Variants in TMEM132D observed in about 807,000 individuals in gnomAD.
The protein encoded by TMEM132D is mature OL transmembrane protein.
A neutral mutation model predicts 62.3 loss-of-function variants in TMEM132D; 21 were observed. The ratio of observed to expected loss-of-function variants is 0.34; its 90% confidence interval spans 0.24 to 0.49. TMEM132D has a LOEUF of 0.49. Ranked by LOEUF, TMEM132D falls within the 20% of genes least tolerant of loss-of-function variation. The pLI is 0.99. For missense variants in TMEM132D, 1,346 were observed against 1,402.8 expected, an observed-to-expected ratio of 0.96 and a Z score of 0.65; for synonymous variants, 621 against 575.6, an observed-to-expected ratio of 1.08 and a Z score of -1.13.
intron 5 of TMEM132D, among the ~76,000 whole-genome samples, chr12:129,116,918 C>CAAAAAAAAAAA (rs60513263): frequency 4.9e-4 from 29 of 59,044 alleles, no homozygotes; most frequent in African/African-American, 1.3e-3. Flanking sequence ...AAAATTTCCG[C>CAAAAAAAAAAA]AAAAAAAAAA....
At chr12:129,302,699 C>A (rs996361527) in intron 4 of TMEM132D, among the ~76,000 whole-genome samples, 7 of 152,212 alleles carry the variant, frequency 4.6e-5, no homozygotes, top group African/African-American at 1.7e-4. Context: ...GCAGAAGCAC[C>A]AGAGGGAAAA....
At chr12:129,549,958 G>C (rs776098011) in intron 2 of TMEM132D, among the ~76,000 whole-genome samples, 41 of 152,196 alleles carry the variant, frequency 2.7e-4, no homozygotes, top group South Asian at 2.1e-4. Context: ...CAGGTTGCTT[G>C]TTACTGAGGC....
intron 2 of TMEM132D, among the ~76,000 whole-genome samples, chr12:129,688,548 G>C (rs894484085): frequency 3.9e-5 from 6 of 151,988 alleles, no homozygotes; most frequent in African/African-American, 1.5e-4. Context: ...TCCACACATG[G>C]CCTTGAAACC....
intron 5 of TMEM132D, among the ~76,000 whole-genome samples, chr12:129,195,361 G>A (rs1050835546): frequency 2.0e-5 from 3 of 152,092 alleles, no homozygotes; most frequent in Non-Finnish European, 4.4e-5. Context: ...GTGGGGAGAT[G>A]GAATAGGCCT....
intron 4 of TMEM132D, among the ~76,000 whole-genome samples, chr12:129,281,368 G>C (rs961860186): frequency 6.6e-5 from 10 of 150,604 alleles, no homozygotes; most frequent in Non-Finnish European, 1.3e-4. Context: ...TATGTTTCAG[G>C]TTTTTTTGTT....
chr12:129,803,148 A>G (rs1275889070), intron 1 of TMEM132D, among the ~76,000 whole-genome samples: 1 of 151,694 alleles, frequency 6.6e-6, no homozygotes, highest in Non-Finnish European at 1.5e-5. Flanking sequence ...AAAGTCAACA[A>G]GGATACCCAG....
chr12:129,753,220 G>T (rs996392869), intron 1 of TMEM132D, among the ~76,000 whole-genome samples: 5 of 152,188 alleles, frequency 3.3e-5, no homozygotes, highest in Admixed American at 2.6e-4. Flanking sequence ...GATGTGCTCA[G>T]CATTTATATC....
At chr12:129,729,599 A>T (rs1322956896) in intron 1 of TMEM132D, among the ~76,000 whole-genome samples, 1 of 150,310 alleles carries the variant, frequency 6.7e-6, no homozygotes, top group Non-Finnish European at 1.5e-5. Context: ...TGCCTGAAAA[A>T]CTCCTAGTCA....
chr12:129,130,543 CA>C (rs1157637288), intron 5 of TMEM132D, among the ~76,000 whole-genome samples: 7 of 152,192 alleles, frequency 4.6e-5, no homozygotes, highest in Non-Finnish European at 1.0e-4. Context: ...ACGTTCTTGA[CA>C]CTTGAGATAC....
At chr12:129,291,498 C>T (rs757459380) in intron 4 of TMEM132D, among the ~76,000 whole-genome samples, 2 of 152,098 alleles carry the variant, frequency 1.3e-5, no homozygotes, top group Non-Finnish European at 1.5e-5. Context: ...AAACTGAGAC[C>T]GAGTCCTCCA....
At chr12:129,836,945 T>C (rs979431186) in intron 1 of TMEM132D, among the ~76,000 whole-genome samples, 3 of 152,206 alleles carry the variant, frequency 2.0e-5, no homozygotes, top group African/African-American at 4.8e-5. Flanking sequence ...ATCCCTCTAA[T>C]TGATTCCAAA....
intron 2 of TMEM132D, among the ~76,000 whole-genome samples, chr12:129,534,802 C>T (rs1006395076): frequency 2.0e-5 from 3 of 152,164 alleles, no homozygotes; most frequent in South Asian, 2.1e-4. Context: ...GAAATTCACC[C>T]AGCCTTGTGG....
chr12:129,231,384 A>G (rs535142383), intron 4 of TMEM132D, among the ~76,000 whole-genome samples: 7 of 152,308 alleles, frequency 4.6e-5, no homozygotes, highest in Admixed American at 3.9e-4. Context: ...GTCCCTGTGC[A>G]TATCTCCAGG....
intron 2 of TMEM132D, among the ~76,000 whole-genome samples, chr12:129,623,809 A>G (rs1031505835): frequency 6.6e-5 from 10 of 151,602 alleles, no homozygotes; most frequent in African/African-American, 1.9e-4. Flanking sequence ...TTACCTACTT[A>G]TCAGTTGATG....
intron 5 of TMEM132D, 52 bp from the exon 6 acceptor site, chr12:129,084,754 T>A (rs750716017): frequency 1.9e-6 from 3 of 1,575,318 alleles, no homozygotes; most frequent in Admixed American, 1.7e-5. Flanking sequence ...TTTCATCCCG[T>A]TGCATGGCCC....
intron 1 of TMEM132D, among the ~76,000 whole-genome samples, chr12:129,874,549 A>G (rs1272224704): frequency 1.3e-5 from 2 of 151,218 alleles, no homozygotes; most frequent in Non-Finnish European, 2.9e-5. Flanking sequence ...CTCTTTAAAT[A>G]TACATAATTT....
intron 5 of TMEM132D, among the ~76,000 whole-genome samples, chr12:129,164,787 C>T (rs1877492498): frequency 6.6e-6 from 1 of 152,160 alleles, no homozygotes; most frequent in South Asian, 2.1e-4. Context: ...ATTACCTCCA[C>T]CTGGTATCTC....
At chr12:129,566,936 T>C (rs1877382726) in intron 2 of TMEM132D, among the ~76,000 whole-genome samples, 1 of 152,244 alleles carries the variant, frequency 6.6e-6, no homozygotes, top group East Asian at 1.9e-4. Context: ...GCCTATGACT[T>C]GGAAACTCCT....
chr12:129,328,824 CA>C (rs1869007109), intron 4 of TMEM132D, among the ~76,000 whole-genome samples: 1 of 151,848 alleles, frequency 6.6e-6, no homozygotes, highest in African/African-American at 2.4e-5. Flanking sequence ...GGAGCTCATC[CA>C]TCTGGAATCT....
Sources: allele counts gnomAD v4.1 joint callset (sites outside exome capture counted in the v4.1 genomes callset), GRCh38; gene constraint gnomAD v4.1.1; transcripts MANE v1.5; gene names NCBI Gene and HGNC (gene_info 2026-07-23, HGNC 2026-07-21).